EPYC: variants seen among roughly 807,000 people sequenced by gnomAD.
EPYC encodes the protein dermatan sulfate proteoglycan 3.
In EPYC, 28 loss-of-function variants were observed where a neutral mutation model predicts 30.1. The ratio of observed to expected loss-of-function variants is 0.93; its 90% confidence interval spans 0.69 to 1.28. The LOEUF (loss-of-function observed/expected upper bound fraction) is 1.28, where lower values mean the gene tolerates loss of function less well. Ranked by LOEUF, EPYC falls within the 50% of genes most tolerant of loss-of-function variation. EPYC has a pLI of 0.00. For missense variants in EPYC, 382 were observed against 383.5 expected, an observed-to-expected ratio of 1.00 and a Z score of 0.03; for synonymous variants, 144 against 141.4, an observed-to-expected ratio of 1.02 and a Z score of -0.13.
intron 6 of EPYC, 77 bp downstream of exon 6, chr12:90,969,967 A>G (rs1592622224): frequency 5.0e-6 from 5 of 1,000,222 alleles, no homozygotes; most frequent in Middle Eastern, 2.1e-4. Context: ...ATTACAGACA[A>G]ATTCTTGTGT....
chr12:90,972,631 G>C (rs1260495020), intron 4 of EPYC, 191 bp downstream of exon 4: 1 of 515,124 alleles, frequency 1.9e-6, no homozygotes, highest in Non-Finnish European at 3.4e-6. Context: ...GTTTTGAAAT[G>C]ACCATTGCTT....
At chr12:90,973,870 G>A (rs369923298) in intron 3 of EPYC, among the ~76,000 whole-genome samples, 9 of 152,070 alleles carry the variant, frequency 5.9e-5, no homozygotes, top group East Asian at 1.9e-4. Flanking sequence ...AGTTAAGTCT[G>A]CTGGAAGATG....
intron 3 of EPYC, among the ~76,000 whole-genome samples, chr12:90,974,513 C>T (rs977855327): frequency 2.0e-5 from 3 of 151,914 alleles, no homozygotes; most frequent in South Asian, 2.1e-4. Flanking sequence ...GAGTGATTAA[C>T]ATGGAAGGAA....
In EPYC at chr12:90,970,142, G is replaced by A. The variant is rs201156291; in HGVS notation, c.703-3C>T. ...AGATGATGGAGATCATACATGTCCT[G>A]TAAACATTCCAAATGTGGGAACTCA... On this transcript the variant is annotated splice_polypyrimidine_tract_variant and splice_region_variant and intron_variant, in intron 5 of 6. Transcript: ENST00000261172. 81 of 1,604,052 alleles carry A rather than the reference G, an allele frequency of 5.0e-5. No individual in the cohort carries two copies. In the East Asian group the frequency reaches 1.8e-3, roughly 36 times the overall value.
Position 90,978,233 on chromosome 12 carries a change from C to A in EPYC, c.195G>T (p.Gly65=), listed in dbSNP as rs1877236377. 1 of 1,593,454 alleles carries A rather than the reference C, an allele frequency of 6.3e-7. No individual in the cohort carries two copies. The highest frequency in any genetic ancestry group is 8.5e-7 in the Non-Finnish European group (1 of 1,172,964). ...EIEIATVMPS[G]NRELLTPPPQ... is the part of the protein sequence containing the mutation. ...GGGGTGGAGTGAGGAGCTCTCTGTT[C>A]CCTGAAGGCATCACTGTGGCTATTT... The change falls in exon 3 of 7, where the codon GGG becomes GGT. Residue 65 remains glycine (G), a synonymous_variant. Coordinates refer to ENST00000261172, the MANE Select transcript of EPYC (RefSeq NM_004950.5).
At chr12:90,970,963 C>A (rs1246621639) in intron 5 of EPYC, among the ~76,000 whole-genome samples, 3 of 152,220 alleles carry the variant, frequency 2.0e-5, no homozygotes, top group African/African-American at 7.2e-5. Flanking sequence ...TTCTCAGACC[C>A]TATGCTGTTT....
At chr12:91,001,380 T>A (rs1210387167) in intron 2 of EPYC, among the ~76,000 whole-genome samples, 2 of 152,128 alleles carry the variant, frequency 1.3e-5, no homozygotes, top group South Asian at 2.1e-4. Context: ...GCCCAAAATA[T>A]GTTATGATCC....
At chr12:90,986,720 C>T (rs962127059) in intron 2 of EPYC, among the ~76,000 whole-genome samples, 1 of 152,088 alleles carries the variant, frequency 6.6e-6, no homozygotes, top group African/African-American at 2.4e-5. Flanking sequence ...CTGAGTCAAC[C>T]CAGTGCAAAC....
At chr12:90,983,708 C>T (rs549381926) in intron 2 of EPYC, among the ~76,000 whole-genome samples, 21 of 152,228 alleles carry the variant, frequency 1.4e-4, no homozygotes, top group African/African-American at 5.1e-4. Context: ...GTACTAATGC[C>T]TGTCAGACAA....
At chr12:90,994,948 T>C (rs1325207572) in intron 2 of EPYC, among the ~76,000 whole-genome samples, 2 of 152,130 alleles carry the variant, frequency 1.3e-5, no homozygotes, top group Non-Finnish European at 1.5e-5. Flanking sequence ...TCCTCTGTAT[T>C]ACCACTACGG....
intron 2 of EPYC, among the ~76,000 whole-genome samples, chr12:90,989,305 C>G (rs1877527274): frequency 6.6e-6 from 1 of 151,838 alleles, no homozygotes; most frequent in Non-Finnish European, 1.5e-5. Flanking sequence ...TATAATATCA[C>G]CAAATTTGTG....
In EPYC at chr12:90,998,972, A is replaced by T. The variant is rs1592632394; in HGVS notation, c.165+3429T>A. 2.0e-5 allele frequency among the ~76,000 whole-genome samples: 3 copies of T among 152,040 alleles called. No individual in the cohort carries two copies. In the South Asian group the frequency reaches 6.2e-4, roughly 32 times the overall value. On this transcript the variant is annotated intron_variant, in intron 2 of 6. Transcript: ENST00000261172. ...CTCTCACCATTTACAGGCCTTCTACATTCCTTACCAAATTGGTCCTTCTAT... is the reference window on the plus strand; with the variant it reads ...CTCTCACCATTTACAGGCCTTCTACTTTCCTTACCAAATTGGTCCTTCTAT...
chr12:91,002,189 CA>C (rs34987645), intron 2 of EPYC, among the ~76,000 whole-genome samples: 1,394 of 73,324 alleles, frequency 0.019, no homozygotes, highest in African/African-American at 0.031. Flanking sequence ...GACACTGTCT[CA>C]AAAAAAAAAA....
At chr12:90,978,307 A>C in intron 2 of EPYC, 45 bp from the exon 3 acceptor site, 5 of 1,553,722 alleles carry the variant, frequency 3.2e-6, no homozygotes, top group Non-Finnish European at 4.3e-6. Context: ...CCAACTTCTC[A>C]GTCACTCTGT....
At chr12:90,969,696 T>C (rs988736602) in intron 6 of EPYC, among the ~76,000 whole-genome samples, 2 of 152,154 alleles carry the variant, frequency 1.3e-5, no homozygotes, top group African/African-American at 4.8e-5. Context: ...AGATTTTTAT[T>C]TCTCCCTTTT....
intron 2 of EPYC, among the ~76,000 whole-genome samples, chr12:90,986,444 C>G (rs1341476120): frequency 1.3e-5 from 2 of 152,090 alleles, no homozygotes; most frequent in African/African-American, 4.8e-5. Flanking sequence ...ATCAATGAAA[C>G]AGTAATTCCT....
intron 6 of EPYC, among the ~76,000 whole-genome samples, chr12:90,968,166 A>G (rs1249843012): frequency 6.6e-6 from 1 of 152,178 alleles, no homozygotes; most frequent in African/African-American, 2.4e-5. Flanking sequence ...TAAAGTGTCA[A>G]TGAGGAATAA....
intron 2 of EPYC, among the ~76,000 whole-genome samples, chr12:90,991,626 A>C (rs1345897528): frequency 6.6e-6 from 1 of 152,206 alleles, no homozygotes; most frequent in African/African-American, 2.4e-5. Flanking sequence ...GTACTAGAGA[A>C]GTAAAGAGAT....
intron 2 of EPYC, among the ~76,000 whole-genome samples, chr12:90,982,088 G>T (rs1427646474): frequency 6.6e-6 from 1 of 152,050 alleles, no homozygotes; most frequent in Non-Finnish European, 1.5e-5. Flanking sequence ...CTTAAGTTAT[G>T]ATCAAGTCTT....
Sources: gnomAD v4.1 joint callset for allele counts (sites outside exome capture counted in the v4.1 genomes callset) on GRCh38, gnomAD v4.1.1 for gene constraint, MANE v1.5 for transcripts, NCBI Gene and HGNC (gene_info 2026-07-23, HGNC 2026-07-21) for gene names.